Variants in C9 observed in about 807,000 individuals in gnomAD.
C9 encodes complement component C9.
Under a neutral mutation model 65.4 loss-of-function variants are expected in C9, and 63 were observed. The ratio of observed to expected loss-of-function variants is 0.96; its 90% CI spans 0.79 to 1.19. The LOEUF is 1.19. Among genes scored for constraint, C9 ranks in the 50% most tolerant of loss-of-function variants. The probability of loss-of-function intolerance (pLI) is 0.00; values close to 1 mark genes in which losing one functional copy is unlikely to be tolerated. For missense variants in C9, 744 were observed against 670.1 expected (o/e 1.11, Z -1.22); for synonymous variants, 229 against 227.9 (o/e 1.00, Z -0.04).
At chr5:39,349,183 GAAAA>G (rs5867457) in intron 1 of C9, among the ~76,000 whole-genome samples, 1 of 143,894 alleles carries the variant, frequency 6.9e-6, no homozygotes, top group African/African-American at 2.6e-5. Context: ...AACAAAAAAG[GAAAA>G]AAAAAAAACA....
At position 39,342,807 on chromosome 5, in the gene C9, G is replaced by A. The variant is rs564710881; in HGVS notation, c.78-611C>T. Among the ~76,000 whole-genome samples the A allele has an allele frequency of 2.2e-3, 330 of 152,112 alleles. 1 individual carries two copies. Among genetic ancestry groups the A allele is most frequent in the Non-Finnish European group, 3.6e-3 (242 of 68,010 alleles). On this transcript the variant is annotated intron_variant, in intron 1 of 10. Coordinates refer to ENST00000263408, the MANE Select transcript of C9 (RefSeq NM_001737.5). ...CTGAGTTTTAACATCATATATTTTG[G>A]CACTTATGCCTCCCTTTCCACCCCT...
chr5:39,350,837 T>C (rs1754309226), intron 1 of C9, among the ~76,000 whole-genome samples: 1 of 152,110 alleles, frequency 6.6e-6, no homozygotes, highest in South Asian at 2.1e-4. Context: ...GATCTACCAA[T>C]CTGGGGTCTG....
At chr5:39,347,081 A>C (rs1417346897) in intron 1 of C9, among the ~76,000 whole-genome samples, 2 of 152,182 alleles carry the variant, frequency 1.3e-5, no homozygotes, top group Non-Finnish European at 2.9e-5. Flanking sequence ...AATGGGCAAA[A>C]ACTGGAAGCA....
chr5:39,358,447 C>T (rs912998680), intron 1 of C9, among the ~76,000 whole-genome samples: 1 of 152,068 alleles, frequency 6.6e-6, no homozygotes, highest in African/African-American at 2.4e-5. Flanking sequence ...GGGTGCAGCT[C>T]CACCTTGTAG....
intron 9 of C9, among the ~76,000 whole-genome samples, chr5:39,289,824 G>T (rs1753056545): frequency 6.6e-6 from 1 of 151,854 alleles, no homozygotes; most frequent in Non-Finnish European, 1.5e-5. Flanking sequence ...CCAGATGGAA[G>T]TGTTAGGATT....
At chr5:39,346,856 G>T (rs1754207536) in intron 1 of C9, among the ~76,000 whole-genome samples, 1 of 152,134 alleles carries the variant, frequency 6.6e-6, no homozygotes. Context: ...GGGATGCAAG[G>T]CTGGTTCAAC....
At chr5:39,350,533 C>T (rs963902588) in intron 1 of C9, among the ~76,000 whole-genome samples, 2 of 152,176 alleles carry the variant, frequency 1.3e-5, no homozygotes, top group Non-Finnish European at 2.9e-5. Context: ...AAATCAAAAA[C>T]AAGTTAATTA....
intron 1 of C9, among the ~76,000 whole-genome samples, chr5:39,361,470 T>C (rs1354721620): frequency 2.0e-5 from 3 of 152,246 alleles, no homozygotes; most frequent in Non-Finnish European, 4.4e-5. Context: ...TAATGATAGC[T>C]ACACTCACAG....
intron 1 of C9, among the ~76,000 whole-genome samples, chr5:39,357,928 C>T (rs1450377518): frequency 6.6e-6 from 1 of 152,110 alleles, no homozygotes; most frequent in East Asian, 1.9e-4. Flanking sequence ...AAGCCTTTCA[C>T]CACTGTGTAC....
rs528163618 is a variant in C9, at chr5:39,284,262, T to TTTTC, written c.*933_*936dup. On this transcript the variant is annotated 3_prime_UTR_variant, in exon 11 of 11. Coordinates refer to ENST00000263408, the MANE Select transcript of C9 (RefSeq NM_001737.5). Reference sequence around the variant, plus strand: ...TTTTTATTTTGATATATTTTTCCTCTTTTCTTTCTTTCTTTCCTTTTTTTA... The same window carrying TTTTC: ...TTTTTATTTTGATATATTTTTCCTCTTTTCTTTCTTTCTTTCTTTCCTTTTTTTA... The TTTTC allele has an allele frequency of 2.0e-5, 3 of 152,124 alleles. No homozygotes were observed. The highest frequency in any genetic ancestry group is 6.5e-5 in the Admixed American group (1 of 15,280). 9.4% of individuals were successfully genotyped at this position (152,124 alleles called of 1,614,324 possible).
chr5:39,352,171 C>T (rs1033724536), intron 1 of C9, among the ~76,000 whole-genome samples: 28 of 152,120 alleles, frequency 1.8e-4, no homozygotes, highest in Non-Finnish European at 2.9e-4. Flanking sequence ...CCAGCTCTCA[C>T]GAGAACTCCA....
chr5:39,342,533 A>G (rs1754106252), intron 1 of C9, among the ~76,000 whole-genome samples: 1 of 152,208 alleles, frequency 6.6e-6, no homozygotes, highest in Admixed American at 6.5e-5. Flanking sequence ...TATGAACATA[A>G]TGAAGCCAGA....
chr5:39,331,862 T>G, intron 4 of C9, 48 bp from the exon 5 acceptor site: 2 of 1,559,502 alleles, frequency 1.3e-6, no homozygotes, highest in Non-Finnish European at 1.8e-6. Context: ...CACAACACAA[T>G]GCAAGGCAGC....
chr5:39,322,079 C>T (rs924438098), intron 5 of C9, among the ~76,000 whole-genome samples: 3 of 151,840 alleles, frequency 2.0e-5, no homozygotes, highest in Non-Finnish European at 4.4e-5. Context: ...GGAACATTCT[C>T]GTGGACAGAT....
chr5:39,363,502 T>C (rs1754557590), intron 1 of C9, among the ~76,000 whole-genome samples: 1 of 152,122 alleles, frequency 6.6e-6, no homozygotes, highest in Non-Finnish European at 1.5e-5. Context: ...TGGAAGCAGG[T>C]TATGGTTATG....
At chr5:39,289,101 A>G (rs1753044618) in intron 9 of C9, 150 bp from the exon 10 acceptor site, 1 of 648,956 alleles carries the variant, frequency 1.5e-6, no homozygotes. Context: ...TTAGCTTTTA[A>G]ACAATCAAAA....
intron 9 of C9, among the ~76,000 whole-genome samples, chr5:39,300,107 A>G (rs1561334269): frequency 6.6e-6 from 1 of 152,092 alleles, no homozygotes; most frequent in Non-Finnish European, 1.5e-5. Flanking sequence ...GGTGCCTAAG[A>G]AGTATTTGTC....
intron 6 of C9, among the ~76,000 whole-genome samples, chr5:39,312,579 G>A (rs1753504919): frequency 6.6e-6 from 1 of 152,112 alleles, no homozygotes; most frequent in African/African-American, 2.4e-5. Context: ...CAACTCAACA[G>A]TTAAATGTTT....
chr5:39,359,102 G>GTGTATATATATA (rs1407613505), intron 1 of C9, among the ~76,000 whole-genome samples: 5 of 103,666 alleles, frequency 4.8e-5, no homozygotes, highest in East Asian at 4.6e-4. Flanking sequence ...GTGTGTGTGT[G>GTGTATATATATA]TATATATATA....
Sources: gnomAD v4.1 joint callset for allele counts (sites outside exome capture counted in the v4.1 genomes callset) on GRCh38, gnomAD v4.1.1 for gene constraint, MANE v1.5 for transcripts, NCBI Gene and HGNC (gene_info 2026-07-23, HGNC 2026-07-21) for gene names.